The following IQSEC1 variants were observed in gnomAD, a reference collection of about 807,000 sequenced individuals.
IQSEC1 encodes the protein IQ motif and Sec7 domain ArfGEF 1, also known as IQ motif and SEC7 domain-containing protein 1.
Under a neutral mutation model 91.0 loss-of-function variants are expected in IQSEC1, and 31 were observed. The observed-to-expected ratio is 0.34, with a 90% CI of 0.26 to 0.46. The LOEUF (loss-of-function observed/expected upper bound fraction) is 0.46, where lower values mean the gene tolerates loss of function less well. Among genes scored for constraint, IQSEC1 ranks in the 20% least tolerant of loss-of-function variants. IQSEC1 has a pLI of 1.00. For synonymous variants in IQSEC1, 699 were observed against 662.6 expected, an observed-to-expected ratio of 1.05 and a Z score of -0.84; for missense variants, 1,388 against 1,575.6, an observed-to-expected ratio of 0.88 and a Z score of 2.02.
intron 1 of IQSEC1, among the ~76,000 whole-genome samples, chr3:13,239,098 C>T (rs1694978886): frequency 6.6e-6 from 1 of 152,224 alleles, no homozygotes; most frequent in Non-Finnish European, 1.5e-5. Flanking sequence ...GAGGACAACA[C>T]AATGAGTCTC....
intron 1 of IQSEC1, among the ~76,000 whole-genome samples, chr3:13,219,158 C>T (rs528651494): frequency 1.3e-5 from 2 of 152,284 alleles, no homozygotes; most frequent in Admixed American, 6.5e-5. Flanking sequence ...CCCCAAGCTC[C>T]TGCAAAAACC....
At chr3:13,226,468 C>T (rs115968367) in intron 1 of IQSEC1, among the ~76,000 whole-genome samples, 3 of 152,082 alleles carry the variant, frequency 2.0e-5, no homozygotes, top group Non-Finnish European at 2.9e-5. Context: ...AATAAAAATT[C>T]TTGACCCCCC....
rs1424741785 is a variant in IQSEC1, at chr3:13,214,426, A to G, written c.273-50293T>C. Among the ~76,000 whole-genome samples the G allele has an allele frequency of 2.0e-5, 3 of 152,246 alleles. No individual in the cohort carries two copies. The highest frequency in any genetic ancestry group is 4.4e-5 in the Non-Finnish European group (3 of 68,034). ...GGCAGGGCTGCAGCAAGCTCGAGCC[A>G]GAACTCTGGCCGTGGCCCCCTGCCT... On this transcript the variant is annotated intron_variant, in intron 1 of 15. Coordinates refer to the IQSEC1 transcript ENST00000648114. This position sits in a 1 kb window ranked among gnomAD's most constrained non-coding sequence, Gnocchi z 4.5.
chr3:12,971,711 C>T (rs1330818357), intron 1 of IQSEC1, among the ~76,000 whole-genome samples: 1 of 152,134 alleles, frequency 6.6e-6, no homozygotes, highest in Non-Finnish European at 1.5e-5. Context: ...CAGAGCGAGA[C>T]TCTGTACCCT....
intron 12 of IQSEC1, among the ~76,000 whole-genome samples, chr3:12,905,260 C>T (rs541295436): frequency 5.1e-4 from 78 of 152,342 alleles, no homozygotes; most frequent in Non-Finnish European, 8.8e-4. Context: ...TTGAAGGGCT[C>T]CCAGGATGAT....
intron 1 of IQSEC1, among the ~76,000 whole-genome samples, chr3:13,068,577 T>C (rs387656): frequency 0.65 from 98,023 of 151,584 alleles, 32,073 homozygotes; most frequent in East Asian, 0.86. Context: ...GCTTCCAGCA[T>C]GACGATGTGA....
chr3:12,986,574 C>G (rs1302711978), intron 1 of IQSEC1, among the ~76,000 whole-genome samples: 1 of 152,250 alleles, frequency 6.6e-6, no homozygotes, highest in African/African-American at 2.4e-5. Flanking sequence ...CCCTTCCCCT[C>G]TCCCCTGCCT....
At chr3:13,135,602 G>A (rs561451681) in intron 2 of IQSEC1, among the ~76,000 whole-genome samples, 3 of 152,346 alleles carry the variant, frequency 2.0e-5, no homozygotes, top group East Asian at 3.9e-4. Context: ...TGAGGGAGTC[G>A]GGACGCAGCC....
chr3:13,090,260 A>G (rs1705837427), intron 2 of IQSEC1, among the ~76,000 whole-genome samples: 1 of 151,264 alleles, frequency 6.6e-6, no homozygotes, highest in African/African-American at 2.4e-5. Context: ...TATATTTTAA[A>G]TTTCTATATT....
At chr3:12,936,729 C>G (rs1698239164) in intron 2 of IQSEC1, 32 bp from the exon 3 acceptor site, 27 of 1,530,752 alleles carry the variant, frequency 1.8e-5, no homozygotes, top group Non-Finnish European at 2.4e-5. Flanking sequence ...GAGAACAGCA[C>G]TGCATGTAGG....
At chr3:13,035,023 C>T (rs1049998719) in intron 1 of IQSEC1, among the ~76,000 whole-genome samples, 1 of 152,260 alleles carries the variant, frequency 6.6e-6, no homozygotes, top group Non-Finnish European at 1.5e-5. Context: ...CTGCTTTCTC[C>T]TCCTCCACTG....
At chr3:13,041,278 C>T (rs1704256528) in intron 1 of IQSEC1, among the ~76,000 whole-genome samples, 3 of 152,128 alleles carry the variant, frequency 2.0e-5, no homozygotes, top group African/African-American at 7.2e-5. Flanking sequence ...GTGTCGGGCT[C>T]CTCTCTGATG....
At chr3:12,925,434 A>G (rs1697036047) in intron 3 of IQSEC1, among the ~76,000 whole-genome samples, 1 of 152,154 alleles carries the variant, frequency 6.6e-6, no homozygotes, top group South Asian at 2.1e-4. Context: ...ACAGCCATAT[A>G]ACCTTCCAGG....
chr3:12,901,388 G>A lies in IQSEC1; in HGVS notation c.2940C>T (p.Pro980=). 6.5e-7 allele frequency: 1 copy of A among 1,543,518 alleles called. No homozygotes were observed. The highest frequency in any genetic ancestry group is 8.7e-7 in the Non-Finnish European group (1 of 1,145,666). The part of the protein sequence containing the change: ...GSLFGSKRGK[P]PPQAHLPSAP... ...CTGAGGGCAGGTGGGCCTGGGGAGGGGGCTTCCCTCTCTTGCTCCCGAATA... is the reference window on the plus strand; with the variant it reads ...CTGAGGGCAGGTGGGCCTGGGGAGGAGGCTTCCCTCTCTTGCTCCCGAATA... Residue 980 remains proline, a synonymous_variant, in exon 14 of 14, where the codon CCC becomes CCT. Transcript: ENST00000613206.
At chr3:13,208,555 C>T (rs1694385258) in intron 1 of IQSEC1, among the ~76,000 whole-genome samples, 1 of 152,188 alleles carries the variant, frequency 6.6e-6, no homozygotes, top group Non-Finnish European at 1.5e-5. Context: ...CCCACATCTG[C>T]CTTGGTCCCC....
In IQSEC1 at chr3:13,013,203, C is replaced by T. The variant is rs148425924; in HGVS notation, c.23+59789G>A. Among the ~76,000 whole-genome samples the T allele has an allele frequency of 4.5e-4, 69 of 152,240 alleles. 1 individual carries two copies. The highest frequency in any genetic ancestry group is 1.1e-3 in the African/African-American group (47 of 41,518). On this transcript the variant is annotated intron_variant, in intron 1 of 13. Coordinates refer to ENST00000613206, the MANE Select transcript of IQSEC1 (RefSeq NM_001134382.3). ...CTCGATCTCCTGACCTCAAGTGATC[C>T]GCCCGCCTTGGCCTCCCAAGGTCTG...
intron 1 of IQSEC1, among the ~76,000 whole-genome samples, chr3:12,947,820 C>T (rs1431174448): frequency 6.6e-6 from 1 of 152,244 alleles, no homozygotes; most frequent in Non-Finnish European, 1.5e-5. Flanking sequence ...TGAAAGGTCG[C>T]CAAGCTCTTC....
chr3:13,197,797 T>C (rs1227114696), intron 1 of IQSEC1, among the ~76,000 whole-genome samples: 1 of 152,106 alleles, frequency 6.6e-6, no homozygotes, highest in Admixed American at 6.5e-5. Context: ...CCAAGGAAGA[T>C]AGTCAAGGCC....
rs146291029 is a variant in IQSEC1 at position 13,081,872 on chromosome 3, C to T, written c.303-34350G>A. Among the ~76,000 whole-genome samples, 214 of 152,282 alleles carry T rather than the reference C, an allele frequency of 1.4e-3. 2 individuals carry two copies. The highest frequency in any genetic ancestry group is 0.01 in the Middle Eastern group (3 of 294). On this transcript the variant is annotated intron_variant, in intron 2 of 15. Transcript: ENST00000648114. ...GGTCCTCCCGTTCACAGAGGGTTGA[C>T]GTGAATACCAAATGACTGAATGCAC...
Sources: allele counts gnomAD v4.1 joint callset (sites outside exome capture counted in the v4.1 genomes callset), GRCh38; gene constraint gnomAD v4.1.1; non-coding constraint Gnocchi (gnomAD v3.1); transcripts MANE v1.5; gene names NCBI Gene and HGNC (gene_info 2026-07-23, HGNC 2026-07-21).